Variants in ZBTB20 observed in about 807,000 individuals in gnomAD.
The protein encoded by ZBTB20 is zinc finger and BTB domain-containing protein 20.
ZBTB20 carries 9 observed loss-of-function variants against 56.9 expected under a neutral mutation model. The ratio of observed to expected loss-of-function variants is 0.16; its 90% CI spans 0.10 to 0.28. The LOEUF (loss-of-function observed/expected upper bound fraction) is 0.28. Ranked by LOEUF, ZBTB20 falls within the 10% of genes least tolerant of loss-of-function variation. ZBTB20 has a pLI of 1.00. For missense variants in ZBTB20, 655 were observed against 1,003.0 expected (o/e 0.65, Z 4.69); for synonymous variants, 417 against 420.7 (o/e 0.99, Z 0.11).
intron 4 of ZBTB20, among the ~76,000 whole-genome samples, chr3:114,891,440 C>T (rs1041784155): frequency 6.6e-6 from 1 of 152,192 alleles, no homozygotes; most frequent in Admixed American, 6.5e-5. Context: ...TCTATGCTCA[C>T]AGCATGTAGT....
chr3:114,613,155 T>G (rs1164934159), intron 6 of ZBTB20, among the ~76,000 whole-genome samples: 3 of 152,140 alleles, frequency 2.0e-5, no homozygotes, highest in Non-Finnish European at 4.4e-5. Flanking sequence ...ATGAAGCAGA[T>G]AGGAGGGTGG....
chr3:114,660,908 A>G (rs1484947477), intron 6 of ZBTB20, among the ~76,000 whole-genome samples: 1 of 152,120 alleles, frequency 6.6e-6, no homozygotes, highest in Non-Finnish European at 1.5e-5. Context: ...GAGAGACAGC[A>G]AGTGAGAGAG....
At chr3:114,838,506 G>A (rs148574189) in intron 4 of ZBTB20, among the ~76,000 whole-genome samples, 1,796 of 152,204 alleles carry the variant, frequency 0.012, 17 homozygotes, top group South Asian at 0.042. Context: ...TAAAGGGAGA[G>A]AGATGTGTAG....
intron 5 of ZBTB20, among the ~76,000 whole-genome samples, chr3:114,784,640 T>G (rs1001149980): frequency 2.5e-4 from 38 of 152,204 alleles, no homozygotes; most frequent in Admixed American, 2.2e-3. Flanking sequence ...TTATAAATTA[T>G]GCATGTATTT....
chr3:114,736,007 T>TA (rs2066131924), intron 5 of ZBTB20, among the ~76,000 whole-genome samples: 2 of 152,208 alleles, frequency 1.3e-5, no homozygotes, highest in South Asian at 4.1e-4. Context: ...TCATGATGTT[T>TA]ATGTAGAGTA....
At chr3:114,390,484 G>A (rs1288393698) in intron 7 of ZBTB20, among the ~76,000 whole-genome samples, 1 of 152,100 alleles carries the variant, frequency 6.6e-6, no homozygotes, top group African/African-American at 2.4e-5. Flanking sequence ...TGAGGACACC[G>A]AATTACCCTA....
At chr3:115,101,016 A>T (rs2083564971) in intron 1 of ZBTB20, among the ~76,000 whole-genome samples, 1 of 152,250 alleles carries the variant, frequency 6.6e-6, no homozygotes, top group South Asian at 2.1e-4. Context: ...AAACAGAATT[A>T]AGCTTAATTA....
In ZBTB20 at chr3:114,444,158, G is replaced by A. The variant is rs182201215; in HGVS notation, c.-254-55053C>T. The stretch of plus-strand genomic sequence containing the variant: ...CTCATTAGAACTCATACTTTGATAA[G>A]ATAGTAAAATATACCAATCTGTACA... On this transcript the variant is annotated intron_variant, in intron 7 of 11. Transcript: ENST00000675478. 1.0e-3 allele frequency among the ~76,000 whole-genome samples: 152 copies of A among 152,240 alleles called. 1 individual carries two copies. The highest frequency in any genetic ancestry group is 1.2e-3 in the Admixed American group (19 of 15,278).
chr3:114,950,013 T>C (rs932607814), intron 3 of ZBTB20, among the ~76,000 whole-genome samples: 1 of 152,120 alleles, frequency 6.6e-6, no homozygotes, highest in African/African-American at 2.4e-5. Flanking sequence ...ATTTCACTAA[T>C]CATTAGAGAA....
At chr3:114,972,074 CTTTA>C (rs770307405) in intron 3 of ZBTB20, among the ~76,000 whole-genome samples, 26 of 152,278 alleles carry the variant, frequency 1.7e-4, no homozygotes, top group Non-Finnish European at 2.6e-4. Flanking sequence ...CAACACTTAC[CTTTA>C]TTTATCTCAC....
At chr3:114,437,962 A>G (rs1398340444) in intron 7 of ZBTB20, among the ~76,000 whole-genome samples, 2 of 152,136 alleles carry the variant, frequency 1.3e-5, no homozygotes, top group African/African-American at 2.4e-5. Context: ...TCTGTAATTC[A>G]CACTCATCAA....
intron 6 of ZBTB20, among the ~76,000 whole-genome samples, chr3:114,618,636 A>G (rs1292001105): frequency 6.6e-6 from 1 of 152,224 alleles, no homozygotes; most frequent in Non-Finnish European, 1.5e-5. Flanking sequence ...GAATATAATG[A>G]AGAAACAGTC....
chr3:115,145,548 G>A (rs144768677), intron 1 of ZBTB20, among the ~76,000 whole-genome samples: 2 of 152,242 alleles, frequency 1.3e-5, no homozygotes, highest in African/African-American at 4.8e-5. Flanking sequence ...ACACTGTATT[G>A]TTTAGGGAAT....
chr3:114,596,951 C>T (rs1215823007), intron 6 of ZBTB20, among the ~76,000 whole-genome samples: 1 of 152,142 alleles, frequency 6.6e-6, no homozygotes, highest in Non-Finnish European at 1.5e-5. Context: ...AAGGGAGATA[C>T]ATGTTACAGA....
intron 6 of ZBTB20, among the ~76,000 whole-genome samples, chr3:114,621,708 A>T (rs1168050045): frequency 6.6e-6 from 1 of 152,194 alleles, no homozygotes; most frequent in Non-Finnish European, 1.5e-5. Context: ...CACATTTCAC[A>T]ACATGCATCC....
At chr3:114,531,275 G>T (rs1266101275) in intron 6 of ZBTB20, among the ~76,000 whole-genome samples, 1 of 151,850 alleles carries the variant, frequency 6.6e-6, no homozygotes, top group Non-Finnish European at 1.5e-5. Context: ...TTTCTTTCTT[G>T]TCCCTTATCT....
At chr3:114,458,470 A>C (rs2092152415) in intron 7 of ZBTB20, among the ~76,000 whole-genome samples, 1 of 152,204 alleles carries the variant, frequency 6.6e-6, no homozygotes. Context: ...GCAATGAAAC[A>C]GATTTTTAAA....
At chr3:114,928,977 C>T (rs893351998) in intron 3 of ZBTB20, among the ~76,000 whole-genome samples, 7 of 152,210 alleles carry the variant, frequency 4.6e-5, no homozygotes, top group African/African-American at 1.7e-4. Context: ...GTACTGTCCT[C>T]TGTGAGACAC....
chr3:114,536,985 A>T (rs780873390), intron 6 of ZBTB20, among the ~76,000 whole-genome samples: 4 of 152,204 alleles, frequency 2.6e-5, no homozygotes, highest in Non-Finnish European at 5.9e-5. Context: ...TACAAAAATT[A>T]ACTCAAGATG....
Sources: allele counts gnomAD v4.1 joint callset (sites outside exome capture counted in the v4.1 genomes callset), GRCh38; gene constraint gnomAD v4.1.1; transcripts MANE v1.5; gene names NCBI Gene and HGNC (gene_info 2026-07-23, HGNC 2026-07-21).